The following ELMO1 variants were observed in gnomAD, a reference collection of about 807,000 sequenced individuals.
ELMO1 encodes engulfment and cell motility 1.
A neutral mutation model predicts 98.9 loss-of-function variants in ELMO1; 26 were observed. The observed-to-expected ratio is 0.26, with a 90% CI of 0.19 to 0.36. The LOEUF is 0.36. ELMO1 is among the 10% of genes least tolerant of loss of function. ELMO1 has a pLI of 1.00. For missense variants in ELMO1, 627 were observed against 935.2 expected (o/e 0.67, Z 4.30); for synonymous variants, 346 against 346.0 (o/e 1.00, Z 0.00).
intron 14 of ELMO1, among the ~76,000 whole-genome samples, chr7:37,121,448 A>C (rs1003544713): frequency 6.6e-6 from 1 of 152,258 alleles, no homozygotes; most frequent in Admixed American, 6.5e-5. Context: ...ATGGAGCTGA[A>C]AACCATGGCA....
At chr7:37,058,516 T>G (rs1200982425) in intron 15 of ELMO1, among the ~76,000 whole-genome samples, 1 of 151,446 alleles carries the variant, frequency 6.6e-6, no homozygotes, top group East Asian at 1.9e-4. Flanking sequence ...GAGAAGAGAG[T>G]GAGGAAAAGG....
At chr7:36,936,054 A>C (rs1786503296) in intron 16 of ELMO1, among the ~76,000 whole-genome samples, 1 of 152,116 alleles carries the variant, frequency 6.6e-6, no homozygotes, top group African/African-American at 2.4e-5. Context: ...CTAGCACCTG[A>C]GTGAATGCTG....
rs140768066 is a variant in ELMO1, at chr7:37,232,101, C to T, written c.549+994G>A. 2.7e-3 allele frequency among the ~76,000 whole-genome samples: 411 copies of T among 152,246 alleles called. 3 individuals are homozygous for T. Among genetic ancestry groups the T allele is most frequent in the African/African-American group, 7.5e-3 (311 of 41,560 alleles). On this transcript the variant is annotated intron_variant, in intron 8 of 21. Coordinates refer to ENST00000310758, the MANE Select transcript of ELMO1 (RefSeq NM_014800.11). ...CTCCTGACCTCAAATAATCCACCTG[C>T]GCTGGCCTCCCAAAGTCCAATTTGC... is the stretch of plus-strand genomic sequence containing the variant.
chr7:36,919,578 T>C, intron 16 of ELMO1: 1 of 341,054 alleles, frequency 2.9e-6, no homozygotes, highest in South Asian at 2.3e-5. Context: ...TTAGATAATG[T>C]ACACTCAGTG....
chr7:37,101,078 C>A (rs571527578), intron 14 of ELMO1, among the ~76,000 whole-genome samples: 4 of 152,358 alleles, frequency 2.6e-5, no homozygotes, highest in East Asian at 1.9e-4. Context: ...TCACACAACA[C>A]TTTTACCAGC....
At chr7:37,243,578 CTG>C (rs1399619543) in intron 7 of ELMO1, among the ~76,000 whole-genome samples, 1 of 152,138 alleles carries the variant, frequency 6.6e-6, no homozygotes, top group Non-Finnish European at 1.5e-5. Context: ...TCATACTTTT[CTG>C]TGTGTGAATG....
At chr7:37,268,354 T>A (rs1032768510) in intron 5 of ELMO1, among the ~76,000 whole-genome samples, 1 of 152,158 alleles carries the variant, frequency 6.6e-6, no homozygotes, top group Non-Finnish European at 1.5e-5. Flanking sequence ...CAGGCTGGAG[T>A]GCAGTGGCAT....
chr7:37,278,951 G>A (rs1584909858), intron 4 of ELMO1, among the ~76,000 whole-genome samples: 1 of 151,754 alleles, frequency 6.6e-6, no homozygotes, highest in East Asian at 1.9e-4. Flanking sequence ...CCTGTAATCC[G>A]AGCACTTTGG....
chr7:36,963,934 G>T (rs1789184092), intron 16 of ELMO1, among the ~76,000 whole-genome samples: 1 of 152,120 alleles, frequency 6.6e-6, no homozygotes, highest in South Asian at 2.1e-4. Flanking sequence ...GCTTTAATGT[G>T]ATATCTGAAA....
intron 7 of ELMO1, among the ~76,000 whole-genome samples, chr7:37,239,612 G>C (rs561271526): frequency 6.6e-6 from 1 of 152,340 alleles, no homozygotes; most frequent in South Asian, 2.1e-4. Flanking sequence ...GGCAATGCCT[G>C]TGGAAGATAA....
At chr7:37,248,015 C>G (rs1002530358) in intron 6 of ELMO1, among the ~76,000 whole-genome samples, 1 of 151,486 alleles carries the variant, frequency 6.6e-6, no homozygotes, top group Non-Finnish European at 1.5e-5. Flanking sequence ...AGTTCCGCCT[C>G]CTCCAGCATC....
rs1380748305 is a variant in ELMO1, at chr7:37,216,636, G to C, written c.831+9C>G. 2 of 1,614,016 alleles carry C rather than the reference G, an allele frequency of 1.2e-6. No homozygotes were observed. Among genetic ancestry groups the C allele is most frequent in the East Asian group, 2.2e-5 (1 of 44,884 alleles). On this transcript the variant is annotated intron_variant, in intron 11 of 21. Coordinates refer to ENST00000310758, the MANE Select transcript of ELMO1 (RefSeq NM_014800.11). ...CCCCACAAAGAGGTCACAGCGCATA[G>C]GTACTCACTGTTAAAATGATGGAAC...
At chr7:37,352,272 C>A (rs1801306020) in intron 1 of ELMO1, among the ~76,000 whole-genome samples, 1 of 152,214 alleles carries the variant, frequency 6.6e-6, no homozygotes, top group Admixed American at 6.5e-5. Context: ...AACCACTATG[C>A]CATTTTTTTG....
Position 37,211,278 on chromosome 7 carries a change from C to T in ELMO1, c.1086+108G>A, listed in dbSNP as rs560517583. 145 of 1,500,556 alleles carry T rather than the reference C, an allele frequency of 9.7e-5. 1 individual carries two copies. In the South Asian group the frequency reaches 1.5e-3, roughly 16 times the overall value. 93.0% of individuals were successfully genotyped at this position (1,500,556 alleles called of 1,614,324 possible). On this transcript the variant is annotated intron_variant, in intron 13 of 21. Transcript: ENST00000310758. ...AACATCTGGAAATGTGGAAACTATT[C>T]CGTAAAGCGCAAGAGGACCACACGC...
intron 16 of ELMO1, among the ~76,000 whole-genome samples, chr7:36,982,923 T>C (rs543144870): frequency 6.6e-6 from 1 of 152,364 alleles, no homozygotes; most frequent in South Asian, 2.1e-4. Flanking sequence ...CCTCAAACTC[T>C]GACGAACACA....
chr7:36,926,692 G>A (rs1016401249), intron 16 of ELMO1, among the ~76,000 whole-genome samples: 2 of 152,248 alleles, frequency 1.3e-5, no homozygotes, highest in Middle Eastern at 3.4e-3. Flanking sequence ...ATTCACGTGT[G>A]CTCTTAATAT....
chr7:37,048,429 G>C (rs1317685851), intron 15 of ELMO1, among the ~76,000 whole-genome samples: 1 of 152,188 alleles, frequency 6.6e-6, no homozygotes, highest in Non-Finnish European at 1.5e-5. Flanking sequence ...TCATAAGACA[G>C]CAAATGAAAG....
Position 37,246,673 on chromosome 7 carries a change from A to T in ELMO1, c.414-2282T>A, listed in dbSNP as rs150382936. On this transcript the variant is annotated intron_variant, in intron 6 of 21. Transcript: ENST00000310758. ...CTTGTGTTTCAGTAGAAAACTAAGC[A>T]GCGCCTACAACATATCCTTTTGGGC... Among the ~76,000 whole-genome samples the T allele has an allele frequency of 3.4e-3, 519 of 152,346 alleles. 3 individuals are homozygous for T. The highest frequency in any genetic ancestry group is 0.012 in the African/African-American group (504 of 41,574).
intron 15 of ELMO1, among the ~76,000 whole-genome samples, chr7:37,050,737 T>A (rs1016322560): frequency 3.3e-5 from 5 of 149,332 alleles, no homozygotes; most frequent in African/African-American, 1.2e-4. Context: ...TTTCAAAACA[T>A]CATGTGGTAC....
Sources: allele counts gnomAD v4.1 joint callset (sites outside exome capture counted in the v4.1 genomes callset), GRCh38; gene constraint gnomAD v4.1.1; transcripts MANE v1.5; gene names NCBI Gene and HGNC (gene_info 2026-07-23, HGNC 2026-07-21).